Variants in SAMD4A observed in about 807,000 individuals in gnomAD.
SAMD4A encodes sterile alpha motif domain containing 4A.
Under a neutral mutation model 81.3 loss-of-function variants are expected in SAMD4A, and 33 were observed. That is an observed-to-expected ratio of 0.41 (90% CI 0.31 to 0.54). SAMD4A has a LOEUF of 0.54. Ranked by LOEUF, SAMD4A falls within the 20% of genes least tolerant of loss-of-function variation. The pLI, the probability that SAMD4A is intolerant of heterozygous loss-of-function variation, is 0.37. For missense variants in SAMD4A, 854 were observed against 951.1 expected (o/e 0.90, Z 1.34); for synonymous variants, 389 against 382.1 (o/e 1.02, Z -0.21).
intron 2 of SAMD4A, among the ~76,000 whole-genome samples, chr14:54,688,691 C>T (rs545825433): frequency 6.6e-6 from 1 of 152,172 alleles, no homozygotes; most frequent in South Asian, 2.1e-4. Context: ...CAACAACTTC[C>T]TCTAAAAATA....
chr14:54,629,320 A>G (rs1304971839), intron 2 of SAMD4A, among the ~76,000 whole-genome samples: 2 of 152,180 alleles, frequency 1.3e-5, no homozygotes, highest in African/African-American at 2.4e-5. Flanking sequence ...AGACAACCTG[A>G]TTTGTTTTCA....
chr14:54,737,357 A>G (rs2037721976), intron 4 of SAMD4A, 70 bp downstream of exon 4: 1 of 1,573,916 alleles, frequency 6.4e-7, no homozygotes, highest in Non-Finnish European at 8.6e-7. Context: ...GGGTAAAAAA[A>G]GAGAGGTAGT....
chr14:54,738,099 AG>A (rs1200074243), intron 4 of SAMD4A, among the ~76,000 whole-genome samples: 1 of 152,250 alleles, frequency 6.6e-6, no homozygotes, highest in African/African-American at 2.4e-5. Flanking sequence ...GAGACACACT[AG>A]TAACAATTTT....
chr14:54,608,400 A>G (rs931484222), intron 2 of SAMD4A, among the ~76,000 whole-genome samples: 1 of 152,200 alleles, frequency 6.6e-6, no homozygotes. Flanking sequence ...TTTTTGTTAT[A>G]TACTGCCTAA....
intron 3 of SAMD4A, chr14:54,702,859 C>T (rs562451212): frequency 3.7e-5 from 14 of 381,278 alleles, no homozygotes; most frequent in African/African-American, 9.9e-5. Flanking sequence ...GGAAACTTGC[C>T]GTTTCCACAA....
At chr14:54,705,237 A>G (rs982004528) in intron 3 of SAMD4A, among the ~76,000 whole-genome samples, 3 of 152,218 alleles carry the variant, frequency 2.0e-5, no homozygotes, top group Non-Finnish European at 4.4e-5. Context: ...AAGTGTTAAC[A>G]CTGATATGCA....
intron 2 of SAMD4A, among the ~76,000 whole-genome samples, chr14:54,676,523 C>T (rs1244187750): frequency 4.0e-5 from 6 of 150,998 alleles, no homozygotes; most frequent in Admixed American, 1.3e-4. Context: ...GCTACAGGCA[C>T]GAGCCACCAC....
chr14:54,759,296 C>A (rs2038328643), intron 6 of SAMD4A, among the ~76,000 whole-genome samples: 1 of 152,212 alleles, frequency 6.6e-6, no homozygotes, highest in African/African-American at 2.4e-5. Flanking sequence ...CAGGCTCAGG[C>A]CTAGGTGTCT....
Position 54,777,208 on chromosome 14 carries a change from CCCCCACTGCCCCAA to C in SAMD4A, c.2044+669_2044+682del, listed in dbSNP as rs975821833. Among the ~76,000 whole-genome samples, 58 of 151,508 alleles carry C rather than the reference CCCCCACTGCCCCAA, an allele frequency of 3.8e-4. 1 individual carries two copies. Among genetic ancestry groups the C allele is most frequent in the African/African-American group, 1.3e-3 (53 of 41,124 alleles). On this transcript the variant is annotated intron_variant, in intron 11 of 12. Coordinates refer to ENST00000554335, the MANE Select transcript of SAMD4A (RefSeq NM_015589.6). Reference sequence around the variant, plus strand: ...ACCTATCTGGATGGACCCCCCCCCACCCCCACTGCCCCAAGGCAGGCAAACTGGAGATGTGTTGT... The same window carrying C: ...ACCTATCTGGATGGACCCCCCCCCACGGCAGGCAAACTGGAGATGTGTTGT...
At chr14:54,596,858 G>T (rs376970215) in intron 2 of SAMD4A, among the ~76,000 whole-genome samples, 1 of 152,138 alleles carries the variant, frequency 6.6e-6, no homozygotes, top group East Asian at 1.9e-4. Context: ...GGTGGGGGAG[G>T]GGGTAAATGC....
intron 2 of SAMD4A, among the ~76,000 whole-genome samples, chr14:54,683,946 AAG>A (rs1340308791): frequency 6.6e-6 from 1 of 152,210 alleles, no homozygotes; most frequent in Non-Finnish European, 1.5e-5. Flanking sequence ...TGCCATAGAA[AAG>A]AGTTTTCCAA....
intron 2 of SAMD4A, among the ~76,000 whole-genome samples, chr14:54,583,794 C>T (rs59957732): frequency 0.056 from 8,455 of 152,220 alleles, 369 homozygotes; most frequent in African/African-American, 0.12. Context: ...ATTTGTAACA[C>T]TGGGATTATT....
chr14:54,597,394 C>G (rs1326589256), intron 2 of SAMD4A, among the ~76,000 whole-genome samples: 1 of 151,828 alleles, frequency 6.6e-6, no homozygotes, highest in Non-Finnish European at 1.5e-5. Flanking sequence ...CTTGCCTCAG[C>G]CTCCTGAGTA....
chr14:54,638,860 A>C lies in SAMD4A; in HGVS notation c.197-63202A>C, dbSNP rs1029084266. Among the ~76,000 whole-genome samples, 3 of 152,224 alleles carry C rather than the reference A, an allele frequency of 2.0e-5. No homozygotes were observed. The East Asian group carries it at 5.8e-4, about 29-fold the overall frequency. The stretch of plus-strand genomic sequence containing the variant: ...TCAATGTATACCGATGTTCTAAGAG[A>C]GTGGACATTCGGCAGTTAGTGCTAT... On this transcript the variant is annotated intron_variant, in intron 2 of 12. Transcript: ENST00000554335.
rs936234998 is a variant in SAMD4A at position 54,790,733 on chromosome 14, T to C, written c.*1789T>C. 6.6e-6 allele frequency: 1 copy of C among 150,804 alleles called. No individual in the cohort carries two copies. Among genetic ancestry groups the C allele is most frequent in the Non-Finnish European group, 1.5e-5 (1 of 67,840 alleles). 9.3% of individuals were successfully genotyped at this position (150,804 alleles called of 1,614,324 possible). A position where few individuals can be genotyped will look rare whatever the true frequency, so the allele number is the denominator to read the frequency against. ...GAAGTCAGAGTTGAAATTCAGAAGA[T>C]CAGACTATGGAAATCACTGCCCTTT... On this transcript the variant is annotated 3_prime_UTR_variant, in exon 13 of 13. Coordinates refer to ENST00000554335, the MANE Select transcript of SAMD4A (RefSeq NM_015589.6).
chr14:54,779,622 C>T (rs564524818), intron 11 of SAMD4A, among the ~76,000 whole-genome samples: 4 of 152,108 alleles, frequency 2.6e-5, no homozygotes, highest in South Asian at 2.1e-4. Context: ...ACACAATTCA[C>T]GGGCACTTGG....
chr14:54,785,373 A>C (rs2039110548), intron 12 of SAMD4A, among the ~76,000 whole-genome samples: 1 of 152,222 alleles, frequency 6.6e-6, no homozygotes, highest in African/African-American at 2.4e-5. Context: ...CCTGGTACTA[A>C]GCGGGCACCT....
At chr14:54,759,183 T>A (rs1384076741) in intron 6 of SAMD4A, among the ~76,000 whole-genome samples, 1 of 152,194 alleles carries the variant, frequency 6.6e-6, no homozygotes, top group Non-Finnish European at 1.5e-5. Flanking sequence ...CATATTCCTC[T>A]CCAGAATGAT....
intron 12 of SAMD4A, among the ~76,000 whole-genome samples, chr14:54,786,452 A>G (rs569106120): frequency 1.1e-4 from 17 of 152,360 alleles, no homozygotes; most frequent in African/African-American, 4.1e-4. Flanking sequence ...TGATATGCAA[A>G]TATTTCAATT....
Sources: allele counts gnomAD v4.1 joint callset (sites outside exome capture counted in the v4.1 genomes callset), GRCh38; gene constraint gnomAD v4.1.1; transcripts MANE v1.5; gene names NCBI Gene and HGNC (gene_info 2026-07-23, HGNC 2026-07-21).